TMC7: variants seen among roughly 807,000 people sequenced by gnomAD.
The protein encoded by TMC7 is transmembrane channel-like protein 7.
TMC7 carries 54 observed loss-of-function variants against 82.9 expected under a neutral mutation model. That is an observed-to-expected ratio of 0.65 (90% CI 0.52 to 0.82). TMC7 has a LOEUF of 0.82. Among genes scored for constraint, TMC7 ranks in the 40% least tolerant of loss-of-function variants. TMC7 has a pLI of 0.00. For synonymous variants in TMC7, 350 were observed against 337.9 expected, an observed-to-expected ratio of 1.04 and a Z score of -0.39; for missense variants, 820 against 901.2, an observed-to-expected ratio of 0.91 and a Z score of 1.15.
At chr16:18,984,184 A>G (rs2038801535) in intron 1 of TMC7, 54 bp downstream of exon 1, 1 of 1,443,278 alleles carries the variant, frequency 6.9e-7, no homozygotes, top group Admixed American at 2.7e-5. Flanking sequence ...CCGAGGGCGC[A>G]CGGAGGGAGC....
chr16:19,045,382 G>A lies in TMC7; in HGVS notation c.1497G>A (p.Met499Ile). The A allele has an allele frequency of 1.2e-6, 2 of 1,614,042 alleles. No individual in the cohort carries two copies. Among genetic ancestry groups the A allele is most frequent in the Non-Finnish European group, 8.5e-7 (1 of 1,180,012 alleles). ...TQVGQEMYKLMIFDFIIILAV... is the reference protein window; with the variant it reads ...TQVGQEMYKLIIFDFIIILAV... Reference sequence around the variant, plus strand: ...TTGGGCAGGAAATGTACAAGCTGATGATCTTCGACTTCATCATCATCTTGG... The same window carrying A: ...TTGGGCAGGAAATGTACAAGCTGATAATCTTCGACTTCATCATCATCTTGG... The change falls in exon 11 of 16, where the codon ATG becomes ATA. Residue 499 changes from methionine (M) to isoleucine (I), a missense_variant. Met to Ile is a conservative substitution (Grantham distance 10). This residue lies in a region of TMC7 where 650 missense variants were observed against 669.9 expected (regional missense o/e 0.97). Coordinates refer to ENST00000304381, the MANE Select transcript of TMC7 (RefSeq NM_024847.4).
At chr16:19,019,867 A>G (rs995537006) in intron 3 of TMC7, among the ~76,000 whole-genome samples, 1 of 152,174 alleles carries the variant, frequency 6.6e-6, no homozygotes, top group Non-Finnish European at 1.5e-5. Context: ...TGATAATTAA[A>G]TTTCTTGCCT....
At chr16:19,040,508 C>A (rs570742136) in intron 9 of TMC7, 62 bp downstream of exon 9, 5 of 1,470,802 alleles carry the variant, frequency 3.4e-6, no homozygotes, top group Non-Finnish European at 4.6e-6. Context: ...CACTCTCTTG[C>A]CCATGGCAGA....
intron 13 of TMC7, among the ~76,000 whole-genome samples, chr16:19,053,989 C>T (rs1961657468): frequency 6.6e-6 from 1 of 151,860 alleles, no homozygotes; most frequent in Admixed American, 6.6e-5. Flanking sequence ...GGCCACTTTT[C>T]TCTCTTTTTC....
intron 1 of TMC7, among the ~76,000 whole-genome samples, chr16:18,986,961 C>T (rs1463508428): frequency 1.1e-4 from 16 of 151,704 alleles, no homozygotes; most frequent in South Asian, 1.0e-3. Context: ...TCCGCCACCA[C>T]GCCTGGCTAA....
chr16:18,992,306 G>T (rs1313810236), intron 1 of TMC7, among the ~76,000 whole-genome samples: 1 of 152,142 alleles, frequency 6.6e-6, no homozygotes, highest in African/African-American at 2.4e-5. Flanking sequence ...GTGTGAGATG[G>T]TATCTTATTG....
At position 19,006,617 on chromosome 16, in the gene TMC7, T is replaced by C. The variant is rs549411823; in HGVS notation, c.68-2555T>C. ...CCATTCTCCCTGTCCTAAATACCTATTGTTGCTCAACACACTGCTCCAAAT... is the reference window on the plus strand; with the variant it reads ...CCATTCTCCCTGTCCTAAATACCTACTGTTGCTCAACACACTGCTCCAAAT... On this transcript the variant is annotated intron_variant, in intron 1 of 15. Transcript: ENST00000304381. Among the ~76,000 whole-genome samples the C allele has an allele frequency of 3.3e-5, 5 of 152,322 alleles. No homozygotes were observed. In the East Asian group the frequency reaches 5.8e-4, roughly 18 times the overall value.
At chr16:19,033,997 A>T (rs1167814931) in intron 6 of TMC7, among the ~76,000 whole-genome samples, 1 of 152,186 alleles carries the variant, frequency 6.6e-6, no homozygotes, top group Non-Finnish European at 1.5e-5. Flanking sequence ...AGGACTGTGC[A>T]TGGCATCTGG....
rs1367957314 is a variant in TMC7, at chr16:19,038,062, A to G, written c.1179+15A>G. 1.9e-6 allele frequency: 3 copies of G among 1,610,050 alleles called. No homozygotes were observed. On this transcript the variant is annotated intron_variant, in intron 8 of 15. Transcript: ENST00000304381. ...ACATGAAAAAGGTAAATTAACTTGTACTCTGGCTGGACATTATGCCTAGTG... is the reference window on the plus strand; with the variant it reads ...ACATGAAAAAGGTAAATTAACTTGTGCTCTGGCTGGACATTATGCCTAGTG...
chr16:19,059,853 T>C, intron 15 of TMC7: 1 of 554,606 alleles, frequency 1.8e-6, no homozygotes, highest in Non-Finnish European at 3.2e-6. Context: ...GGTGGGCACC[T>C]GTAATCCCAG....
intron 1 of TMC7, among the ~76,000 whole-genome samples, chr16:19,007,680 A>T (rs8051834): frequency 0.57 from 86,149 of 151,402 alleles, 27,774 homozygotes; most frequent in East Asian, 0.81. Flanking sequence ...AAAAAAAAAA[A>T]AAATAAATAA....
chr16:19,010,090 C>CT lies in TMC7; in HGVS notation c.311+680dup, dbSNP rs2039313011. Among the ~76,000 whole-genome samples the CT allele has an allele frequency of 2.4e-5, 3 of 125,846 alleles. No homozygotes were observed. In the South Asian group the frequency reaches 9.1e-4, roughly 38 times the overall value. The allele number at this position is 125,846 out of a possible 152,430, so 82.6% of individuals were successfully genotyped here. On this transcript the variant is annotated intron_variant, in intron 2 of 15. Coordinates refer to ENST00000304381, the MANE Select transcript of TMC7 (RefSeq NM_024847.4). ...TCTTCCTTTCCTTTCCTTTCCTTTC[C>CT]TTTTTCCTTTTTCCTTTCCCCTTCC...
chr16:19,006,967 C>T (rs1286578595), intron 1 of TMC7, among the ~76,000 whole-genome samples: 3 of 152,074 alleles, frequency 2.0e-5, no homozygotes, highest in African/African-American at 7.2e-5. Flanking sequence ...TAGGCGCGTG[C>T]CACCACGTGC....
intron 14 of TMC7, among the ~76,000 whole-genome samples, chr16:19,057,440 C>T (rs1257568102): frequency 6.6e-6 from 1 of 152,184 alleles, no homozygotes; most frequent in Admixed American, 6.6e-5. Flanking sequence ...CTCATGAAAT[C>T]ATCGCAATTA....
intron 11 of TMC7, among the ~76,000 whole-genome samples, chr16:19,045,972 C>T (rs767027402): frequency 5.9e-5 from 9 of 152,124 alleles, no homozygotes; most frequent in Non-Finnish European, 1.3e-4. Flanking sequence ...AAACGATCCT[C>T]CTGCCTCAGC....
rs143540421 is a variant in TMC7, at chr16:19,049,898, C to T, written c.1741-1788C>T. Reference sequence around the variant, plus strand: ...CCTGTTACCATTATATCCTTTCTTACTCCCCATTTGATATTTCCTTCAAGT... The same window carrying T: ...CCTGTTACCATTATATCCTTTCTTATTCCCCATTTGATATTTCCTTCAAGT... On this transcript the variant is annotated intron_variant, in intron 12 of 15. Transcript: ENST00000304381. 3.8e-4 allele frequency among the ~76,000 whole-genome samples: 58 copies of T among 152,282 alleles called. 1 individual carries two copies. In the East Asian group the frequency reaches 9.5e-3, roughly 25 times the overall value.
chr16:19,021,442 T>C (rs1203640441), intron 3 of TMC7, among the ~76,000 whole-genome samples, 187 bp from the exon 4 acceptor site: 1 of 152,210 alleles, frequency 6.6e-6, no homozygotes, highest in Non-Finnish European at 1.5e-5. Flanking sequence ...TGATTGTAGA[T>C]CTACAGGTGA....
intron 15 of TMC7, among the ~76,000 whole-genome samples, chr16:19,061,134 G>C (rs1961990839): frequency 6.6e-6 from 1 of 151,902 alleles, no homozygotes; most frequent in South Asian, 2.1e-4. Flanking sequence ...ATCCCAAGTA[G>C]ATGGGATTAC....
chr16:19,056,094 C>CTTTT (rs200352592), intron 13 of TMC7, among the ~76,000 whole-genome samples: 1 of 145,832 alleles, frequency 6.9e-6, no homozygotes, highest in Admixed American at 6.9e-5. Context: ...TTCTTTCTTT[C>CTTTT]TTTTTTTTTT....
Sources: allele counts gnomAD v4.1 joint callset (sites outside exome capture counted in the v4.1 genomes callset), GRCh38; gene constraint gnomAD v4.1.1; regional missense constraint gnomAD v4.1.1; transcripts MANE v1.5; gene names NCBI Gene and HGNC (gene_info 2026-07-23, HGNC 2026-07-21).